Variants in TMEM74 observed in about 807,000 individuals in gnomAD.
The protein encoded by TMEM74 is transmembrane protein 74.
Under a neutral mutation model 18.1 loss-of-function variants are expected in TMEM74, and 13 were observed. The ratio of observed to expected loss-of-function variants is 0.72; its 90% CI spans 0.47 to 1.14. The LOEUF is 1.14. Among genes scored for constraint, TMEM74 ranks in the 50% most tolerant of loss-of-function variants. The pLI is 0.00. For missense variants in TMEM74, 372 were observed against 375.9 expected (o/e 0.99, Z 0.09); for synonymous variants, 159 against 146.6 (o/e 1.08, Z -0.61).
intron 1 of TMEM74, among the ~76,000 whole-genome samples, chr8:108,659,079 T>C (rs1344275440): frequency 6.6e-6 from 1 of 151,572 alleles, no homozygotes; most frequent in African/African-American, 2.4e-5. Context: ...TGAAGAAAAA[T>C]ATATAAAGAA....
At chr8:108,623,736 T>C (rs1185669332) in intron 2 of TMEM74, among the ~76,000 whole-genome samples, 1 of 152,094 alleles carries the variant, frequency 6.6e-6, no homozygotes, top group African/African-American at 2.4e-5. Flanking sequence ...TGCTTTCCTC[T>C]AACCCAGTGG....
intron 1 of TMEM74, among the ~76,000 whole-genome samples, chr8:108,680,132 T>C (rs1354566255): frequency 3.9e-5 from 6 of 152,186 alleles, no homozygotes; most frequent in East Asian, 1.9e-4. Context: ...TTCCAATCAA[T>C]AGAAAAAGAG....
In TMEM74 at chr8:108,780,621, T is replaced by C. The variant is rs755903866; in HGVS notation, c.*3560A>G. Among the ~76,000 whole-genome samples the C allele has an allele frequency of 6.6e-5, 10 of 152,006 alleles. No homozygotes were observed. The highest frequency in any genetic ancestry group is 1.3e-4 in the Non-Finnish European group (9 of 67,992). ...GGTCCAATTGGGTCCCTAAAACAAA[T>C]AAGTATGAGGGGGATGAACTCATAT... On this transcript the variant is annotated 3_prime_UTR_variant, in exon 2 of 2. Transcript: ENST00000297459.
At chr8:108,620,566 T>G (rs1040644439) in intron 2 of TMEM74, among the ~76,000 whole-genome samples, 1 of 152,186 alleles carries the variant, frequency 6.6e-6, no homozygotes, top group Admixed American at 6.6e-5. Context: ...GAAGTTGATT[T>G]GCTCCAGATC....
chr8:108,634,208 C>A (rs1016730143), intron 2 of TMEM74, among the ~76,000 whole-genome samples: 1 of 151,854 alleles, frequency 6.6e-6, no homozygotes, highest in South Asian at 2.1e-4. Context: ...AACAGAATAA[C>A]TGGAGAAGCC....
chr8:108,760,686 G>A (rs1189006657), intron 1 of TMEM74, among the ~76,000 whole-genome samples: 9 of 151,978 alleles, frequency 5.9e-5, no homozygotes, highest in African/African-American at 2.2e-4. Flanking sequence ...CTGTAGCAAT[G>A]TCATGCCTGA....
At chr8:108,650,611 C>T (rs889587093) in intron 2 of TMEM74, among the ~76,000 whole-genome samples, 3 of 152,150 alleles carry the variant, frequency 2.0e-5, no homozygotes, top group African/African-American at 7.2e-5. Flanking sequence ...TTCCCTTTGC[C>T]TGGAACAGTC....
intron 1 of TMEM74, among the ~76,000 whole-genome samples, chr8:108,759,857 T>G (rs1320299104): frequency 6.6e-6 from 1 of 151,910 alleles, no homozygotes; most frequent in Non-Finnish European, 1.5e-5. Context: ...CTATATATTT[T>G]GACCTGTAAT....
intron 2 of TMEM74, among the ~76,000 whole-genome samples, chr8:108,617,450 G>A (rs1812396132): frequency 6.6e-6 from 1 of 152,004 alleles, no homozygotes; most frequent in Non-Finnish European, 1.5e-5. Flanking sequence ...TTTGATTCTG[G>A]GGTGTAGGAA....
In TMEM74 at chr8:108,649,991, C is replaced by T. The variant is rs570871266; in HGVS notation, n.264+5302G>A. Among the ~76,000 whole-genome samples, 5 of 152,118 alleles carry T rather than the reference C, an allele frequency of 3.3e-5. No homozygotes were observed. In the South Asian group the frequency reaches 1.0e-3, roughly 32 times the overall value. ...TTATAAAACTTCCCACAGTAGTATC[C>T]ATCCTTCTTTTCTGTATAAGGGAAA... On this transcript the variant is annotated intron_variant and non_coding_transcript_variant, in intron 2 of 3. Transcript: ENST00000518838.
At chr8:108,730,634 C>CTTTTTTTTTTTTTTT (rs1199122765) in intron 1 of TMEM74, among the ~76,000 whole-genome samples, 26 of 132,182 alleles carry the variant, frequency 2.0e-4, no homozygotes, top group African/African-American at 7.3e-4. Flanking sequence ...TGCAGACTTC[C>CTTTTTTTTTTTTTTT]TTTTTTTTTT....
At chr8:108,616,964 T>TA (rs1401459117) in intron 2 of TMEM74, among the ~76,000 whole-genome samples, 1 of 151,648 alleles carries the variant, frequency 6.6e-6, no homozygotes, top group African/African-American at 2.4e-5. Flanking sequence ...GACTATATAT[T>TA]TATAGTCAGT....
chr8:108,761,744 C>T (rs952636625), intron 1 of TMEM74, among the ~76,000 whole-genome samples: 5 of 152,188 alleles, frequency 3.3e-5, no homozygotes, highest in Middle Eastern at 3.4e-3. Context: ...TTAGTCCTTG[C>T]GTGAGGACAT....
At chr8:108,646,110 TAAAG>T (rs963435452) in intron 2 of TMEM74, among the ~76,000 whole-genome samples, 11 of 150,840 alleles carry the variant, frequency 7.3e-5, no homozygotes, top group Non-Finnish European at 1.6e-4. Flanking sequence ...AAGAGTCTAA[TAAAG>T]AACTTCATAC....
intron 2 of TMEM74, among the ~76,000 whole-genome samples, chr8:108,644,640 TAAAC>T (rs35143855): frequency 0.19 from 28,517 of 151,930 alleles, 2,691 homozygotes; most frequent in East Asian, 0.27. Flanking sequence ...ATAAAGAACT[TAAAC>T]AAATCAACAA....
At chr8:108,616,620 C>T (rs1160536687) in intron 2 of TMEM74, among the ~76,000 whole-genome samples, 2 of 152,108 alleles carry the variant, frequency 1.3e-5, no homozygotes, top group Non-Finnish European at 2.9e-5. Context: ...TCTGTTTCCA[C>T]TTAACAAGAT....
At chr8:108,786,984 TC>T (rs1814393423) in intron 1 of TMEM74, among the ~76,000 whole-genome samples, 1 of 152,152 alleles carries the variant, frequency 6.6e-6, no homozygotes, top group South Asian at 2.1e-4. Context: ...AGCTCCCTAA[TC>T]CGGGGTTTCC....
intron 1 of TMEM74, among the ~76,000 whole-genome samples, chr8:108,668,015 A>G (rs3019407): frequency 0.75 from 114,218 of 152,138 alleles, 43,853 homozygotes; most frequent in East Asian, 0.99. Context: ...TCCTGGTTCT[A>G]CAGCTCTTGT....
At chr8:108,743,602 C>A (rs1010999343) in intron 1 of TMEM74, among the ~76,000 whole-genome samples, 5 of 152,028 alleles carry the variant, frequency 3.3e-5, no homozygotes, top group African/African-American at 1.2e-4. Flanking sequence ...GTTTTTATAG[C>A]ATTGTAAAGT....
Sources: gnomAD v4.1 joint callset for allele counts (sites outside exome capture counted in the v4.1 genomes callset) on GRCh38, gnomAD v4.1.1 for gene constraint, MANE v1.5 for transcripts, NCBI Gene and HGNC (gene_info 2026-07-23, HGNC 2026-07-21) for gene names.